PCSK6: variants seen among roughly 807,000 people sequenced by gnomAD.
PCSK6 encodes the protein paired basic amino acid cleaving enzyme 4.
PCSK6 carries 85 observed loss-of-function variants against 123.3 expected under a neutral mutation model. The observed-to-expected ratio is 0.69, with a 90% confidence interval of 0.58 to 0.83. PCSK6 has a LOEUF of 0.83. PCSK6 is among the 40% of genes least tolerant of loss of function. PCSK6 has a pLI of 0.00. For synonymous variants in PCSK6, 508 were observed against 516.0 expected, an observed-to-expected ratio of 0.98 and a Z score of 0.21; for missense variants, 1,191 against 1,282.3, an observed-to-expected ratio of 0.93 and a Z score of 1.09.
intron 15 of PCSK6, among the ~76,000 whole-genome samples, chr15:101,326,794 A>G (rs996253612): frequency 6.6e-6 from 1 of 152,202 alleles, no homozygotes; most frequent in Non-Finnish European, 1.5e-5. Context: ...CTGGAGGGGT[A>G]GCGGGGAGGG....
intron 13 of PCSK6, among the ~76,000 whole-genome samples, chr15:101,345,333 G>A (rs2040705311): frequency 6.6e-6 from 1 of 152,108 alleles, no homozygotes; most frequent in Non-Finnish European, 1.5e-5. Context: ...GGAGTAATTT[G>A]TTAGCAACTT....
chr15:101,417,376 C>T (rs1305168287), intron 6 of PCSK6, among the ~76,000 whole-genome samples: 5 of 152,128 alleles, frequency 3.3e-5, no homozygotes, highest in Admixed American at 6.5e-5. Flanking sequence ...AAAAACTGAA[C>T]GTGTATTAGG....
chr15:101,407,514 G>A (rs972645111), intron 6 of PCSK6, among the ~76,000 whole-genome samples: 8 of 152,174 alleles, frequency 5.3e-5, no homozygotes, highest in African/African-American at 1.9e-4. Flanking sequence ...CTACACCCCA[G>A]CCACCTCCAT....
At chr15:101,445,238 C>T (rs1414220700) in intron 1 of PCSK6, among the ~76,000 whole-genome samples, 1 of 152,172 alleles carries the variant, frequency 6.6e-6, no homozygotes, top group Admixed American at 6.5e-5. Flanking sequence ...TTCTCTGGGT[C>T]TGGGATGCTT....
chr15:101,489,288 G>T, intron 1 of PCSK6, 86 bp downstream of exon 1: 3 of 871,616 alleles, frequency 3.4e-6, no homozygotes, highest in Non-Finnish European at 4.2e-6. Context: ...GCCGGGGCCG[G>T]GCGGACAGGA....
chr15:101,429,398 C>G lies in PCSK6; in HGVS notation c.734+589G>C, dbSNP rs569456214. 7.2e-5 allele frequency among the ~76,000 whole-genome samples: 11 copies of G among 152,296 alleles called. No homozygotes were observed. In the East Asian group the frequency reaches 1.5e-3, roughly 21 times the overall value. The stretch of plus-strand genomic sequence containing the variant: ...GAATCTGCTGGGTGCATTCCTCATG[C>G]ATCATCTCACTGACCCCTCCTGTGA... On this transcript the variant is annotated intron_variant, in intron 5 of 21. Coordinates refer to ENST00000611716, the MANE Select transcript of PCSK6 (RefSeq NM_002570.5).
At chr15:101,364,483 G>C (rs1446873263) in intron 13 of PCSK6, among the ~76,000 whole-genome samples, 1 of 151,778 alleles carries the variant, frequency 6.6e-6, no homozygotes, top group East Asian at 1.9e-4. Context: ...TAAGTAAAAG[G>C]GATTAAAAAG....
chr15:101,405,398 G>C lies in PCSK6; in HGVS notation c.824-6822C>G, dbSNP rs141797277. On this transcript the variant is annotated intron_variant, in intron 6 of 21. Coordinates refer to ENST00000611716, the MANE Select transcript of PCSK6 (RefSeq NM_002570.5). ...CCTGCCCAGTCCACTCTAAGGACGAGTCTGTGGGTGTGAGGCGGGAGGAGT... is the reference window on the plus strand; with the variant it reads ...CCTGCCCAGTCCACTCTAAGGACGACTCTGTGGGTGTGAGGCGGGAGGAGT... Among the ~76,000 whole-genome samples the C allele has an allele frequency of 3.4e-3, 521 of 152,310 alleles. 3 individuals are homozygous for C. The highest frequency in any genetic ancestry group is 0.011 in the African/African-American group (458 of 41,578).
rs934194840 is a variant in PCSK6, at chr15:101,397,357, C to G, written c.996+1047G>C. On this transcript the variant is annotated intron_variant, in intron 7 of 21. Transcript: ENST00000611716. ...AGAGAGAGGCTGTTTGCAGTATAAT[C>G]TCTTCCTACTATCCGACTGACTTAC... Among the ~76,000 whole-genome samples, 5 of 152,292 alleles carry G rather than the reference C, an allele frequency of 3.3e-5. No homozygotes were observed. In the East Asian group the frequency reaches 7.7e-4, roughly 23 times the overall value.
intron 16 of PCSK6, among the ~76,000 whole-genome samples, chr15:101,326,034 C>T (rs548836133): frequency 6.6e-6 from 1 of 152,366 alleles, no homozygotes; most frequent in East Asian, 1.9e-4. Context: ...GTGAGGACAG[C>T]ACCAGGGCCT....
intron 2 of PCSK6, among the ~76,000 whole-genome samples, chr15:101,442,424 G>C (rs1040092851): frequency 1.3e-5 from 2 of 151,980 alleles, no homozygotes; most frequent in African/African-American, 4.8e-5. Flanking sequence ...AGCTCCATGG[G>C]GACCACTTCC....
rs201547509 is a variant in PCSK6, at chr15:101,356,678, AAAATAAATAAATAAATAAATAAAT to A, written c.1858+9494_1858+9517del. Among the ~76,000 whole-genome samples the A allele has an allele frequency of 9.8e-5, 14 of 142,954 alleles. No individual in the cohort carries two copies. In the East Asian group the frequency reaches 2.1e-3, roughly 21 times the overall value. 93.8% of individuals were successfully genotyped at this position (142,954 alleles called of 152,430 possible). On this transcript the variant is annotated intron_variant, in intron 13 of 21. Transcript: ENST00000611716. ...CTGGGCAACAGAGCGAGACTGTCTCAAAATAAATAAATAAATAAATAAATAAATAAATAAATAAATAAATAATAT... is the reference window on the plus strand; with the variant it reads ...CTGGGCAACAGAGCGAGACTGTCTCAAAATAAATAAATAAATAAATAATAT...
At chr15:101,382,260 G>C in intron 10 of PCSK6, 51 bp from the exon 11 acceptor site, 1 of 1,402,624 alleles carries the variant, frequency 7.1e-7, no homozygotes. Flanking sequence ...TCCCAGGAAG[G>C]GAGCAAGGCT....
intron 6 of PCSK6, among the ~76,000 whole-genome samples, chr15:101,424,982 G>A (rs1223173222): frequency 6.6e-6 from 1 of 152,194 alleles, no homozygotes; most frequent in Non-Finnish European, 1.5e-5. Flanking sequence ...CATGTCTTTG[G>A]AGGGAACCAA....
chr15:101,460,472 G>A (rs2057316458), intron 1 of PCSK6, among the ~76,000 whole-genome samples: 1 of 152,220 alleles, frequency 6.6e-6, no homozygotes, highest in African/African-American at 2.4e-5. Flanking sequence ...GGGGCCATAA[G>A]GGACAGGGGT....
At chr15:101,393,078 G>T (rs528234821) in intron 8 of PCSK6, 134 bp downstream of exon 8, 3 of 776,550 alleles carry the variant, frequency 3.9e-6, no homozygotes, top group Non-Finnish European at 4.4e-6. Flanking sequence ...TCGCCGATGG[G>T]TGAGGCTGGG....
At chr15:101,422,434 G>A (rs1232888300) in intron 6 of PCSK6, among the ~76,000 whole-genome samples, 2 of 152,156 alleles carry the variant, frequency 1.3e-5, no homozygotes, top group African/African-American at 2.4e-5. Flanking sequence ...CTAAGTTAGA[G>A]GTCTGGGTTT....
intron 20 of PCSK6, chr15:101,308,239 A>T (rs970435232): frequency 1.3e-5 from 2 of 152,344 alleles, no homozygotes; most frequent in Admixed American, 1.3e-4. Context: ...CAGTGCTTGC[A>T]TCAGCTGCCC....
chr15:101,360,075 C>T lies in PCSK6; in HGVS notation c.1858+6121G>A, dbSNP rs551776212. Among the ~76,000 whole-genome samples the T allele has an allele frequency of 3.2e-4, 49 of 152,206 alleles. 2 individuals carry two copies. In the South Asian group the frequency reaches 9.5e-3, roughly 30 times the overall value. On this transcript the variant is annotated intron_variant, in intron 13 of 21. Coordinates refer to ENST00000611716, the MANE Select transcript of PCSK6 (RefSeq NM_002570.5). The stretch of plus-strand genomic sequence containing the variant: ...GACAAAAACTCTGAAGTCATCCATG[C>T]CCCCTCTCTCCTCTCACAGCCCACA...
Sources: allele counts gnomAD v4.1 joint callset (sites outside exome capture counted in the v4.1 genomes callset), GRCh38; gene constraint gnomAD v4.1.1; transcripts MANE v1.5; gene names NCBI Gene and HGNC (gene_info 2026-07-23, HGNC 2026-07-21).